The following BNC2 variants were observed in gnomAD, a reference collection of about 807,000 sequenced individuals.
The protein encoded by BNC2 is basonuclin zinc finger protein 2, also known as zinc finger protein basonuclin-2.
In BNC2, 20 loss-of-function variants were observed where a neutral mutation model predicts 76.3. The ratio of observed to expected loss-of-function variants is 0.26; its 90% confidence interval spans 0.18 to 0.38. The LOEUF is 0.38. Ranked by LOEUF, BNC2 falls within the 10% of genes least tolerant of loss-of-function variation. The probability of loss-of-function intolerance (pLI) is 1.00; values close to 1 mark genes in which losing one functional copy is unlikely to be tolerated. For missense variants in BNC2, 1,382 were observed against 1,399.8 expected, an observed-to-expected ratio of 0.99 and a Z score of 0.20; for synonymous variants, 582 against 514.8, an observed-to-expected ratio of 1.13 and a Z score of -1.77.
intron 3 of BNC2, chr9:16,699,246 A>G (rs777810592): frequency 4.3e-6 from 2 of 469,728 alleles, no homozygotes; most frequent in Admixed American, 2.4e-5. Flanking sequence ...AATGCAACAA[A>G]AAAGTCCCTT....
At chr9:16,851,226 G>A (rs915405258) in intron 1 of BNC2, among the ~76,000 whole-genome samples, 1 of 152,142 alleles carries the variant, frequency 6.6e-6, no homozygotes, top group African/African-American at 2.4e-5. Context: ...TCAGTACAGC[G>A]GCTGGGTGCA....
chr9:16,551,828 T>A (rs943200183), intron 5 of BNC2, among the ~76,000 whole-genome samples: 3 of 151,966 alleles, frequency 2.0e-5, no homozygotes, highest in African/African-American at 7.2e-5. Context: ...GGATGGGAGA[T>A]GGGGGTGCAT....
chr9:16,621,340 A>G lies in BNC2; in HGVS notation c.331-38255T>C, dbSNP rs368023162. Among the ~76,000 whole-genome samples the G allele has an allele frequency of 3.9e-5, 6 of 152,304 alleles. No individual in the cohort carries two copies. The East Asian group carries it at 9.6e-4, about 24-fold the overall frequency. ...ACAGAGGGAAACTTTTTCTTCTCCCACAACACTGCCTGTAATGTGTCTGTG... is the reference window on the plus strand; with the variant it reads ...ACAGAGGGAAACTTTTTCTTCTCCCGCAACACTGCCTGTAATGTGTCTGTG... On this transcript the variant is annotated intron_variant, in intron 3 of 6. Coordinates refer to ENST00000380672, the MANE Select transcript of BNC2 (RefSeq NM_017637.6).
intron 5 of BNC2, among the ~76,000 whole-genome samples, chr9:16,535,164 G>C (rs1031820275): frequency 6.6e-6 from 1 of 152,106 alleles, no homozygotes; most frequent in Non-Finnish European, 1.5e-5. Flanking sequence ...AAACTTTTGG[G>C]TTTATTGTTT....
chr9:16,420,863 T>C (rs1357775577), intron 6 of BNC2, among the ~76,000 whole-genome samples: 2 of 152,270 alleles, frequency 1.3e-5, no homozygotes, highest in East Asian at 3.9e-4. Flanking sequence ...TCTCTCCACC[T>C]GCAAAGGCTC....
chr9:16,600,465 G>C (rs1175438062), intron 3 of BNC2, among the ~76,000 whole-genome samples: 2 of 152,252 alleles, frequency 1.3e-5, no homozygotes, highest in African/African-American at 2.4e-5. Flanking sequence ...TTTTAAGTGG[G>C]TGTGTATTTG....
intron 3 of BNC2, among the ~76,000 whole-genome samples, chr9:16,599,782 CA>C (rs964890262): frequency 6.6e-6 from 1 of 151,542 alleles, no homozygotes. Flanking sequence ...GTCTCCATGT[CA>C]AAAAAAAGTA....
At chr9:16,828,725 C>T (rs566698909) in intron 1 of BNC2, among the ~76,000 whole-genome samples, 152 of 152,294 alleles carry the variant, frequency 1.0e-3, no homozygotes, top group African/African-American at 3.5e-3. Context: ...CCTTCCTGAT[C>T]CCGTTGACTT....
At chr9:16,689,991 G>A (rs1004747038) in intron 3 of BNC2, among the ~76,000 whole-genome samples, 2 of 152,196 alleles carry the variant, frequency 1.3e-5, no homozygotes, top group East Asian at 1.9e-4. Flanking sequence ...TACAAAAGCA[G>A]AAACACAGGA....
intron 5 of BNC2, among the ~76,000 whole-genome samples, chr9:16,472,392 A>T (rs1217050302): frequency 6.6e-6 from 1 of 152,184 alleles, no homozygotes; most frequent in Non-Finnish European, 1.5e-5. Flanking sequence ...AGAATGATGG[A>T]AATTAGGAAA....
chr9:16,655,639 T>C (rs1307110025), intron 3 of BNC2, among the ~76,000 whole-genome samples: 1 of 152,256 alleles, frequency 6.6e-6, no homozygotes, highest in Non-Finnish European at 1.5e-5. Context: ...GAGTCTCTTT[T>C]TGAAATAATT....
intron 3 of BNC2, among the ~76,000 whole-genome samples, chr9:16,700,540 G>A (rs927935379): frequency 3.3e-5 from 5 of 152,142 alleles, no homozygotes; most frequent in South Asian, 4.1e-4. Flanking sequence ...AAAACTCCTC[G>A]GCTCAAGCAA....
intron 1 of BNC2, among the ~76,000 whole-genome samples, chr9:16,864,905 A>G (rs1182397791): frequency 3.3e-5 from 5 of 152,054 alleles, no homozygotes. Flanking sequence ...GAGCTTGGTA[A>G]TCCACAGACA....
chr9:16,597,401 G>A (rs906879531), intron 3 of BNC2, among the ~76,000 whole-genome samples: 2 of 152,098 alleles, frequency 1.3e-5, no homozygotes, highest in Non-Finnish European at 1.5e-5. Flanking sequence ...GTTGTACAGT[G>A]AAATTTTAAT....
At chr9:16,559,219 G>A (rs112351551) in intron 4 of BNC2, among the ~76,000 whole-genome samples, 3 of 152,006 alleles carry the variant, frequency 2.0e-5, no homozygotes, top group African/African-American at 4.8e-5. Context: ...GGCCCAGGAT[G>A]GCTTTGAATG....
At chr9:16,757,375 T>C (rs1825415563) in intron 1 of BNC2, among the ~76,000 whole-genome samples, 1 of 152,190 alleles carries the variant, frequency 6.6e-6, no homozygotes, top group African/African-American at 2.4e-5. Flanking sequence ...CCATCACCAC[T>C]ACTTTCTGGC....
intron 3 of BNC2, among the ~76,000 whole-genome samples, chr9:16,659,151 G>C (rs1478532509): frequency 6.6e-6 from 1 of 151,992 alleles, no homozygotes; most frequent in East Asian, 1.9e-4. Context: ...GGATGGCGGG[G>C]GGGGGCATGT....
At chr9:16,810,061 C>T (rs1190422600) in intron 1 of BNC2, among the ~76,000 whole-genome samples, 1 of 152,090 alleles carries the variant, frequency 6.6e-6, no homozygotes, top group Non-Finnish European at 1.5e-5. Flanking sequence ...CTGCCCCCTG[C>T]CTACTGACCC....
At chr9:16,705,305 C>T (rs1056230466) in intron 3 of BNC2, among the ~76,000 whole-genome samples, 1 of 152,166 alleles carries the variant, frequency 6.6e-6, no homozygotes, top group African/African-American at 2.4e-5. Flanking sequence ...GCCATTAAAC[C>T]CTGCCAAGGA....
Sources: allele counts gnomAD v4.1 joint callset (sites outside exome capture counted in the v4.1 genomes callset), GRCh38; gene constraint gnomAD v4.1.1; transcripts MANE v1.5; gene names NCBI Gene and HGNC (gene_info 2026-07-23, HGNC 2026-07-21).